POLQ: variants seen among roughly 807,000 people sequenced by gnomAD.
POLQ encodes the protein DNA polymerase theta, also known as epididymis secretory sperm binding protein.
In POLQ, 233 loss-of-function variants were observed where a neutral mutation model predicts 259.2. The ratio of observed to expected loss-of-function variants is 0.90; its 90% CI spans 0.81 to 1.00. The LOEUF (loss-of-function observed/expected upper bound fraction) is 1.00. Ranked by LOEUF, POLQ falls within the 50% of genes least tolerant of loss-of-function variation. POLQ has a pLI of 0.00. For synonymous variants in POLQ, 1,025 were observed against 1,048.8 expected, an observed-to-expected ratio of 0.98 and a Z score of 0.44; for missense variants, 2,871 against 3,051.6, an observed-to-expected ratio of 0.94 and a Z score of 1.39.
intron 2 of POLQ, 23 bp downstream of exon 2, chr3:121,544,695 AAATAGTAAT>A (rs749542770): frequency 1.1e-4 from 154 of 1,405,286 alleles, no homozygotes; most frequent in Non-Finnish European, 1.4e-4. Context: ...CATATCTTAA[AAATAGTAAT>A]TAGTTTACAT....
At chr3:121,501,990 CAAAA>C (rs554794926) in intron 12 of POLQ, among the ~76,000 whole-genome samples, 1 of 60,348 alleles carries the variant, frequency 1.7e-5, no homozygotes, top group Admixed American at 1.9e-4. Flanking sequence ...ACTCTGTCTC[CAAAA>C]AAAAAAAAAA....
intron 26 of POLQ, among the ~76,000 whole-genome samples, chr3:121,441,482 C>A: frequency 6.6e-6 from 1 of 152,170 alleles, no homozygotes; most frequent in East Asian, 1.9e-4. Context: ...AATTGAATGA[C>A]ACTGTATATG....
In POLQ at chr3:121,487,616, T is replaced by C; in HGVS notation, c.5315A>G (p.Tyr1772Cys). Residue 1772 changes from tyrosine to cysteine, a missense_variant, in exon 16 of 30, where the codon TAT becomes TGT. Around this residue, in one of 3 missense-constraint regions of POLQ, gnomAD observed 2,080 missense variants for 2,126.0 expected, o/e 0.98. Coordinates refer to ENST00000264233, the MANE Select transcript of POLQ (RefSeq NM_199420.4). ...TNNVLQPGES[Y>C]LFGSPSDIKN... ...AATATCTGAAGGTGAGCCAAATAAA[T>C]AACTTTCACCAGGTTGTAAAACATT... 1.2e-6 allele frequency: 2 copies of C among 1,614,004 alleles called. No homozygotes were observed. Among genetic ancestry groups the C allele is most frequent in the Non-Finnish European group, 8.5e-7 (1 of 1,179,948 alleles).
At chr3:121,521,408 T>A (rs2108813040) in intron 8 of POLQ, among the ~76,000 whole-genome samples, 1 of 152,234 alleles carries the variant, frequency 6.6e-6, no homozygotes, top group Non-Finnish European at 1.5e-5. Context: ...CACACACACA[T>A]TTCTAATGCA....
At chr3:121,523,006 TC>T (rs1189752844) in intron 7 of POLQ, among the ~76,000 whole-genome samples, 6 of 152,080 alleles carry the variant, frequency 3.9e-5, no homozygotes, top group African/African-American at 1.4e-4. Context: ...TTTTGTCTTC[TC>T]CCCCAGTAAG....
At chr3:121,493,059 T>C (rs2108800400) in intron 15 of POLQ, among the ~76,000 whole-genome samples, 1 of 151,968 alleles carries the variant, frequency 6.6e-6, no homozygotes, top group South Asian at 2.1e-4. Context: ...CCCAGCACTT[T>C]GGGAGGCTGA....
chr3:121,533,152 A>G lies in POLQ; in HGVS notation c.798T>C (p.Ala266=), dbSNP rs2048424396. 1.2e-6 allele frequency: 2 copies of G among 1,614,100 alleles called. No individual in the cohort carries two copies. Among genetic ancestry groups the G allele is most frequent in the Admixed American group, 1.7e-5 (1 of 60,014 alleles). Residue 266 remains alanine (A), a synonymous_variant, in exon 6 of 30, where the codon GCT becomes GCC. Transcript: ENST00000264233. ...CCACAAGCTCCAAATTAGGAAGGGTAGCACTCATGCCAACGATTTGCACAG... is the reference window on the plus strand; with the variant it reads ...CCACAAGCTCCAAATTAGGAAGGGTGGCACTCATGCCAACGATTTGCACAG... The part of the protein sequence containing the change: ...SNAVQIVGMS[A]TLPNLELVAS...
At chr3:121,465,434 T>A (rs1437678305) in intron 24 of POLQ, among the ~76,000 whole-genome samples, 1 of 152,166 alleles carries the variant, frequency 6.6e-6, no homozygotes, top group East Asian at 1.9e-4. Flanking sequence ...GGGCGTGTGA[T>A]CTACTTTTTC....
chr3:121,545,273 C>T (rs920482776), intron 1 of POLQ, among the ~76,000 whole-genome samples: 1 of 152,056 alleles, frequency 6.6e-6, no homozygotes, highest in Non-Finnish European at 1.5e-5. Context: ...GCACAACTAA[C>T]GATTTTAAAA....
At chr3:121,457,030 A>C (rs911079163) in intron 25 of POLQ, among the ~76,000 whole-genome samples, 15 of 152,350 alleles carry the variant, frequency 9.8e-5, no homozygotes, top group African/African-American at 2.9e-4. Flanking sequence ...TGGTACCAAA[A>C]CAGAAATGTA....
At chr3:121,521,524 A>G (rs954001817) in intron 8 of POLQ, 4 of 152,246 alleles carry the variant, frequency 2.6e-5, no homozygotes, top group Admixed American at 6.5e-5. Flanking sequence ...TTCAGTGAAC[A>G]AGGGGAGACT....
chr3:121,525,566 G>A (rs765246950), intron 7 of POLQ, among the ~76,000 whole-genome samples: 14 of 152,062 alleles, frequency 9.2e-5, no homozygotes, highest in Non-Finnish European at 2.1e-4. Context: ...TATAATTTCT[G>A]CCTGTTTTTG....
chr3:121,445,239 C>T (rs2047623294), intron 26 of POLQ, among the ~76,000 whole-genome samples: 3 of 152,080 alleles, frequency 2.0e-5, no homozygotes, highest in Non-Finnish European at 4.4e-5. Flanking sequence ...GAGTCCCAGG[C>T]TTTTCTTTGT....
At chr3:121,544,388 C>A (rs1387713668) in intron 2 of POLQ, among the ~76,000 whole-genome samples, 2 of 151,998 alleles carry the variant, frequency 1.3e-5, no homozygotes, top group Non-Finnish European at 2.9e-5. Flanking sequence ...AATGATAATG[C>A]TCATACCCTG....
intron 19 of POLQ, among the ~76,000 whole-genome samples, chr3:121,479,777 G>C (rs1198956533): frequency 6.6e-6 from 1 of 151,448 alleles, no homozygotes; most frequent in African/African-American, 2.4e-5. Flanking sequence ...AGTTAGAAAA[G>C]AAAAAAAATA....
intron 17 of POLQ, 86 bp from the exon 18 acceptor site, chr3:121,483,668 G>A (rs2047988729): frequency 1.0e-6 from 1 of 954,262 alleles, no homozygotes; most frequent in African/African-American, 1.7e-5. Context: ...TTAGTAGAAA[G>A]ACTGAAAAAG....
At position 121,432,020 on chromosome 3, in the gene POLQ, A is replaced by G; in HGVS notation, c.*284T>C. On this transcript the variant is annotated 3_prime_UTR_variant, in exon 30 of 30. Transcript: ENST00000264233. The stretch of plus-strand genomic sequence containing the variant: ...TGCATATTTCAAGCATCTGTTCTGA[A>G]TATGTTTAAAGCCACAGTAAGTTAC... 1 of 305,120 alleles carries G rather than the reference A, an allele frequency of 3.3e-6. No individual in the cohort carries two copies. The highest frequency in any genetic ancestry group is 5.9e-6 in the Non-Finnish European group (1 of 168,592). The allele number at this position is 305,120 out of a possible 1,614,324, so 18.9% of individuals were successfully genotyped here. A position where few individuals can be genotyped will look rare whatever the true frequency, so the allele number is the denominator to read the frequency against.
At position 121,493,706 on chromosome 3, in the gene POLQ, A is replaced by G. The variant is rs760227858; in HGVS notation, c.2294T>C (p.Phe765Ser). 2.5e-6 allele frequency: 4 copies of G among 1,613,522 alleles called. No individual in the cohort carries two copies. The Admixed American group carries it at 6.7e-5, about 27-fold the overall frequency. Residue 765 changes from phenylalanine (F) to serine (S), a missense_variant, in exon 15 of 30, where the codon TTT becomes TCT. Coordinates refer to ENST00000264233, the MANE Select transcript of POLQ (RefSeq NM_199420.4). ...GTTGTGCCAGCCCAGACGGTTGGAA[A>G]ATACTGTAATCATCCCTAGAACATT... ...AAVYAGMITV[F>S]SNRLGWHNME...
At chr3:121,497,956 A>G (rs1166515677) in intron 13 of POLQ, among the ~76,000 whole-genome samples, 1 of 152,236 alleles carries the variant, frequency 6.6e-6, no homozygotes, top group Non-Finnish European at 1.5e-5. Flanking sequence ...AGGTCTTTAT[A>G]TATAATGGCT....
Sources: gnomAD v4.1 joint callset for allele counts (sites outside exome capture counted in the v4.1 genomes callset) on GRCh38, gnomAD v4.1.1 for gene constraint, gnomAD v4.1.1 regional missense constraint, MANE v1.5 for transcripts, NCBI Gene and HGNC (gene_info 2026-07-23, HGNC 2026-07-21) for gene names.